ARHGAP42: variants seen among roughly 807,000 people sequenced by gnomAD.
The protein encoded by ARHGAP42 is rho GTPase-activating protein 42.
ARHGAP42 carries 63 observed loss-of-function variants against 125.0 expected under a neutral mutation model. The ratio of observed to expected loss-of-function variants is 0.50; its 90% CI spans 0.41 to 0.62. The LOEUF (loss-of-function observed/expected upper bound fraction) is 0.62, where lower values mean the gene tolerates loss of function less well. Among genes scored for constraint, ARHGAP42 ranks in the 20% least tolerant of loss-of-function variants. The probability of loss-of-function intolerance (pLI) is 0.00; values close to 1 mark genes in which losing one functional copy is unlikely to be tolerated. For missense variants in ARHGAP42, 766 were observed against 1,024.2 expected (o/e 0.75, Z 3.44); for synonymous variants, 339 against 351.0 (o/e 0.97, Z 0.38).
At chr11:100,696,688 C>T (rs1861290673) in intron 1 of ARHGAP42, among the ~76,000 whole-genome samples, 1 of 150,370 alleles carries the variant, frequency 6.7e-6, no homozygotes, top group African/African-American at 2.5e-5. Context: ...TTTTTAGAGA[C>T]AGGGTCTTGC....
Position 100,948,498 on chromosome 11 carries a change from G to T in ARHGAP42, c.1085G>T (p.Arg362Met), listed in dbSNP as rs1245419205. The T allele has an allele frequency of 6.5e-7, 1 of 1,550,042 alleles. No individual in the cohort carries two copies. The highest frequency in any genetic ancestry group is 8.7e-7 in the Non-Finnish European group (1 of 1,145,948). ...TTACAGGCCTTCTCAGAAGCTAATA[G>T]GAAACTCTGGCTTGAAGCCATGGAT... ...ITLQAFSEANRKLWLEAMDGK... is the reference protein window; with the variant it reads ...ITLQAFSEANMKLWLEAMDGK... Residue 362 changes from arginine to methionine, a missense_variant, in exon 11 of 24, where the codon AGG (arginine) becomes ATG (methionine). Physicochemically the swap from Arg to Met is moderately conservative, Grantham distance 91 (BLOSUM62 -1). Coordinates refer to ENST00000298815, the MANE Select transcript of ARHGAP42 (RefSeq NM_152432.4).
chr11:100,772,140 T>G (rs908653133), intron 2 of ARHGAP42, among the ~76,000 whole-genome samples: 6 of 152,136 alleles, frequency 3.9e-5, no homozygotes, highest in Non-Finnish European at 8.8e-5. Flanking sequence ...ACTCCCTAAG[T>G]AGCAAGTCTT....
At chr11:100,893,931 CATTA>C (rs997938037) in intron 4 of ARHGAP42, among the ~76,000 whole-genome samples, 7 of 151,140 alleles carry the variant, frequency 4.6e-5, no homozygotes, top group African/African-American at 1.2e-4. Flanking sequence ...TTATTAAAAA[CATTA>C]ATTAAGTAAT....
chr11:100,749,453 G>A (rs545721511), intron 1 of ARHGAP42, among the ~76,000 whole-genome samples: 1 of 138,632 alleles, frequency 7.2e-6, no homozygotes, highest in African/African-American at 2.8e-5. Flanking sequence ...GTCCCGGAAG[G>A]CTAACCCCTC....
At chr11:100,876,443 T>G (rs61153916) in intron 4 of ARHGAP42, among the ~76,000 whole-genome samples, 1 of 152,222 alleles carries the variant, frequency 6.6e-6, no homozygotes, top group Non-Finnish European at 1.5e-5. Context: ...CAGATGCTTT[T>G]ATTTAGTTTT....
chr11:100,759,162 C>T (rs1021370063), intron 1 of ARHGAP42, among the ~76,000 whole-genome samples: 56 of 152,194 alleles, frequency 3.7e-4, no homozygotes, highest in African/African-American at 1.3e-3. Flanking sequence ...AGGTGTCCCC[C>T]ACTCACCCCC....
chr11:100,759,584 T>G (rs80104180), intron 1 of ARHGAP42, among the ~76,000 whole-genome samples: 1 of 152,042 alleles, frequency 6.6e-6, no homozygotes, highest in Non-Finnish European at 1.5e-5. Flanking sequence ...ATAAAAGGGA[T>G]CATTGTCTAG....
chr11:100,920,016 T>C (rs1266467307), intron 5 of ARHGAP42, among the ~76,000 whole-genome samples: 1 of 152,204 alleles, frequency 6.6e-6, no homozygotes, highest in East Asian at 1.9e-4. Flanking sequence ...TTAATTCTTA[T>C]GTATATAGTG....
At chr11:100,809,546 T>C (rs1864087254) in intron 3 of ARHGAP42, among the ~76,000 whole-genome samples, 2 of 152,222 alleles carry the variant, frequency 1.3e-5, no homozygotes, top group Admixed American at 1.3e-4. Context: ...AACATGTTAA[T>C]TCACTCAAAC....
Position 100,943,825 on chromosome 11 carries a change from T to G in ARHGAP42, c.1000T>G (p.Ser334Ala). The G allele has an allele frequency of 6.5e-7, 1 of 1,549,786 alleles. No individual in the cohort carries two copies. The highest frequency in any genetic ancestry group is 8.7e-7 in the Non-Finnish European group (1 of 1,145,830). ...LKSCIRRKTD[S>A]IDKRFCFDIE... is the part of the protein sequence containing the mutation. ...ATCTTGTATCCGACGAAAGACAGAT[T>G]CAATTGACAAACGATTCTGCTTTGA... is the stretch of plus-strand genomic sequence containing the variant. Residue 334 changes from serine to alanine, a missense_variant, in exon 10 of 24, where the codon TCA becomes GCA. Physicochemically the swap from Ser to Ala is moderately conservative, Grantham distance 99. Coordinates refer to ENST00000298815, the MANE Select transcript of ARHGAP42 (RefSeq NM_152432.4).
chr11:100,956,853 A>T (rs1857818153), intron 12 of ARHGAP42, among the ~76,000 whole-genome samples: 1 of 152,152 alleles, frequency 6.6e-6, no homozygotes, highest in South Asian at 2.1e-4. Flanking sequence ...TATTTTAAAA[A>T]TAAGTGACAA....
intron 2 of ARHGAP42, among the ~76,000 whole-genome samples, chr11:100,790,083 A>G (rs1258311017): frequency 6.6e-6 from 1 of 152,212 alleles, no homozygotes; most frequent in Non-Finnish European, 1.5e-5. Context: ...GAACACAGCA[A>G]TTTTTAACAT....
At chr11:100,910,507 T>C (rs1866882579) in intron 4 of ARHGAP42, among the ~76,000 whole-genome samples, 2 of 152,178 alleles carry the variant, frequency 1.3e-5, no homozygotes, top group Admixed American at 6.5e-5. Context: ...ACAGTGATCA[T>C]GAACAGCATT....
At chr11:100,836,823 C>CTTGAA (rs1232028764) in intron 3 of ARHGAP42, among the ~76,000 whole-genome samples, 1 of 143,820 alleles carries the variant, frequency 7.0e-6, no homozygotes, top group African/African-American at 2.6e-5. Flanking sequence ...GACTTGAACA[C>CTTGAA]CTCATTATTA....
chr11:100,987,579 A>G lies in ARHGAP42; in HGVS notation c.2523A>G (p.Ala841=), dbSNP rs752922991. Residue 841 remains alanine, a synonymous_variant, in exon 23 of 24, where the codon GCA becomes GCG. Transcript: ENST00000298815. The stretch of plus-strand genomic sequence containing the variant: ...ATGAGCTTTCCTTCCCACAAGGAGC[A>G]ATATTTTCTAATGGTAAGTATGTCA... ...HSHELSFPQG[A]IFSNVYPSVE... is the part of the protein sequence containing the mutation. 102 of 1,551,430 alleles carry G rather than the reference A, an allele frequency of 6.6e-5. No homozygotes were observed. The highest frequency in any genetic ancestry group is 1.7e-4 in the Middle Eastern group (1 of 6,012).
chr11:100,778,176 A>C (rs1481811455), intron 2 of ARHGAP42, among the ~76,000 whole-genome samples: 1 of 151,946 alleles, frequency 6.6e-6, no homozygotes, highest in African/African-American at 2.4e-5. Context: ...CTGTCTCTTA[A>C]GAAAAAAAAA....
chr11:100,775,386 C>G (rs896720957), intron 2 of ARHGAP42, among the ~76,000 whole-genome samples: 1 of 151,806 alleles, frequency 6.6e-6, no homozygotes, highest in African/African-American at 2.4e-5. Flanking sequence ...AGACCAAATA[C>G]AAAAAGGTAC....
At chr11:100,885,226 T>C (rs1266440842) in intron 4 of ARHGAP42, among the ~76,000 whole-genome samples, 1 of 152,214 alleles carries the variant, frequency 6.6e-6, no homozygotes, top group Non-Finnish European at 1.5e-5. Flanking sequence ...TGACAGGGTG[T>C]GGGACAAATT....
intron 15 of ARHGAP42, among the ~76,000 whole-genome samples, chr11:100,962,171 A>C (rs1475711434): frequency 6.6e-6 from 1 of 152,038 alleles, no homozygotes; most frequent in Non-Finnish European, 1.5e-5. Context: ...CTCTTAATAC[A>C]GTCATGGAAA....
Sources: gnomAD v4.1 joint callset for allele counts (sites outside exome capture counted in the v4.1 genomes callset) on GRCh38, gnomAD v4.1.1 for gene constraint, MANE v1.5 for transcripts, NCBI Gene and HGNC (gene_info 2026-07-23, HGNC 2026-07-21) for gene names.